ATP6V0A2: variants seen among roughly 807,000 people sequenced by gnomAD.
The protein encoded by ATP6V0A2 is V-type proton ATPase 116 kDa subunit a 2.
A neutral mutation model predicts 104.4 loss-of-function variants in ATP6V0A2; 58 were observed. That is an observed-to-expected ratio of 0.56 (90% CI 0.45 to 0.69). ATP6V0A2 has a LOEUF of 0.69. Among genes scored for constraint, ATP6V0A2 ranks in the 30% least tolerant of loss-of-function variants. ATP6V0A2 has a pLI of 0.00. For missense variants in ATP6V0A2, 938 were observed against 1,062.9 expected (o/e 0.88, Z 1.63); for synonymous variants, 376 against 397.9 (o/e 0.95, Z 0.65).
intron 9 of ATP6V0A2, among the ~76,000 whole-genome samples, chr12:123,739,608 A>G (rs944313599): frequency 6.6e-6 from 1 of 152,212 alleles, no homozygotes; most frequent in Non-Finnish European, 1.5e-5. Context: ...TCTTGGGTTC[A>G]CTTGGCTGCC....
chr12:123,716,913 C>A (rs1025909343), intron 1 of ATP6V0A2, among the ~76,000 whole-genome samples: 1 of 152,192 alleles, frequency 6.6e-6, no homozygotes, highest in Admixed American at 6.5e-5. Flanking sequence ...CCCCCACCCC[C>A]CCAGCACCCA....
Position 123,737,353 on chromosome 12 carries a change from G to C in ATP6V0A2, c.1038+82G>C, listed in dbSNP as rs1226524737. ...AAATTCAGAGAAAAAAAGGAAGTGA[G>C]AATTTCATAGAGTAATGAGAATGCA... is the stretch of plus-strand genomic sequence containing the variant. On this transcript the variant is annotated intron_variant, in intron 9 of 19. Transcript: ENST00000330342. 5.3e-6 allele frequency: 7 copies of C among 1,322,376 alleles called. No individual in the cohort carries two copies. In the South Asian group the frequency reaches 8.6e-5, roughly 16 times the overall value. The allele number at this position is 1,322,376 out of a possible 1,614,324, so 81.9% of individuals were successfully genotyped here.
At chr12:123,734,431 G>C (rs1343910622) in intron 7 of ATP6V0A2, among the ~76,000 whole-genome samples, 1 of 152,160 alleles carries the variant, frequency 6.6e-6, no homozygotes, top group East Asian at 1.9e-4. Flanking sequence ...GGGCCTGTCT[G>C]GATGCAGAGC....
At position 123,744,761 on chromosome 12, in the gene ATP6V0A2, G is replaced by A. The variant is rs776083270; in HGVS notation, c.1491G>A (p.Glu497=). Residue 497 remains glutamate, a synonymous_variant, in exon 12 of 20, where the codon GAG becomes GAA. Transcript: ENST00000330342. The surrounding 1 kb of genome is among the most constrained non-coding windows in gnomAD (Gnocchi z 5.4). ...ACAGCTCCAGCCACCCACCCGCAGA[G>A]CATAAGAAGATGGTGCTTTGGAAGT... The part of the protein sequence containing the change: ...AMYSSSHPPA[E]HKKMVLWNDS... 6.8e-6 allele frequency: 11 copies of A among 1,614,048 alleles called. No homozygotes were observed. Among genetic ancestry groups the A allele is most frequent in the Non-Finnish European group, 9.3e-6 (11 of 1,180,032 alleles).
rs1252343310 is a variant in ATP6V0A2, at chr12:123,760,859, A to G, written c.*2827A>G. The G allele has an allele frequency of 6.6e-6, 1 of 152,216 alleles. No individual in the cohort carries two copies. The highest frequency in any genetic ancestry group is 2.4e-5 in the African/African-American group (1 of 41,444). The allele number at this position is 152,216 out of a possible 1,614,324, so 9.4% of individuals were successfully genotyped here. ...GCTCTGTTTCTGGAATGGATATTTTATAACAACATTCTGGTGTCAGCATCC... is the reference window on the plus strand; with the variant it reads ...GCTCTGTTTCTGGAATGGATATTTTGTAACAACATTCTGGTGTCAGCATCC... On this transcript the variant is annotated 3_prime_UTR_variant, in exon 20 of 20. Transcript: ENST00000330342.
chr12:123,727,685 T>C, intron 5 of ATP6V0A2, 98 bp from the exon 6 acceptor site: 1 of 1,497,802 alleles, frequency 6.7e-7, no homozygotes, highest in Non-Finnish European at 9.2e-7. Flanking sequence ...CAGGATGTCT[T>C]CACCACTTGG....
chr12:123,724,570 G>T, intron 3 of ATP6V0A2, 84 bp from the exon 4 acceptor site: 4 of 1,412,956 alleles, frequency 2.8e-6, no homozygotes, highest in Non-Finnish European at 2.0e-6. Context: ...AAAACCCACT[G>T]TTTTTGGTAT....
At chr12:123,752,737 G>C (rs1448409066) in intron 17 of ATP6V0A2, among the ~76,000 whole-genome samples, 1 of 152,228 alleles carries the variant, frequency 6.6e-6, no homozygotes, top group Non-Finnish European at 1.5e-5. Flanking sequence ...GCAAGAAATA[G>C]AGACCCAGTT....
At chr12:123,724,833 C>G (rs374768446) in intron 4 of ATP6V0A2, 42 bp downstream of exon 4, 1 of 1,584,880 alleles carries the variant, frequency 6.3e-7, no homozygotes, top group Non-Finnish European at 8.7e-7. Flanking sequence ...TTTTTATAAA[C>G]AGCTTTTTAT....
intron 6 of ATP6V0A2, among the ~76,000 whole-genome samples, chr12:123,730,441 G>A (rs1956491736): frequency 1.3e-5 from 2 of 152,078 alleles, no homozygotes; most frequent in African/African-American, 4.8e-5. Context: ...GAGCCACCGC[G>A]CCCAGCCTGT....
At chr12:123,745,654 C>T (rs573845533) in intron 13 of ATP6V0A2, among the ~76,000 whole-genome samples, 3 of 151,056 alleles carry the variant, frequency 2.0e-5, no homozygotes, top group Non-Finnish European at 2.9e-5. Context: ...TGCAGTGAGC[C>T]GAGATGGTGC....
At chr12:123,742,603 G>A (rs768140331) in intron 9 of ATP6V0A2, among the ~76,000 whole-genome samples, 3 of 152,132 alleles carry the variant, frequency 2.0e-5, no homozygotes, top group Non-Finnish European at 2.9e-5. Flanking sequence ...TTGGGAGGCC[G>A]AGGTGGGCAG....
At chr12:123,746,897 C>G (rs1475466648) in intron 13 of ATP6V0A2, among the ~76,000 whole-genome samples, 1 of 151,678 alleles carries the variant, frequency 6.6e-6, no homozygotes, top group Non-Finnish European at 1.5e-5. Flanking sequence ...TGCGCCACTG[C>G]ACTCCAGCCT....
At chr12:123,714,917 T>C (rs2135874013) in intron 1 of ATP6V0A2, among the ~76,000 whole-genome samples, 1 of 152,226 alleles carries the variant, frequency 6.6e-6, no homozygotes, top group Non-Finnish European at 1.5e-5. Flanking sequence ...CTGTCTCTAC[T>C]AAAAATACAA....
intron 2 of ATP6V0A2, among the ~76,000 whole-genome samples, chr12:123,720,055 T>C (rs1956384249): frequency 6.6e-6 from 1 of 152,164 alleles, no homozygotes; most frequent in African/African-American, 2.4e-5. Context: ...CTATTCTTCC[T>C]TTCTCTCGGC....
At chr12:123,735,009 G>T (rs1048580327) in intron 7 of ATP6V0A2, among the ~76,000 whole-genome samples, 1 of 152,122 alleles carries the variant, frequency 6.6e-6, no homozygotes, top group Non-Finnish European at 1.5e-5. Flanking sequence ...AAGGTGGTCC[G>T]GGAATGGCTG....
chr12:123,718,542 A>G (rs1308932419), intron 1 of ATP6V0A2, 81 bp from the exon 2 acceptor site: 13 of 1,056,028 alleles, frequency 1.2e-5, no homozygotes, highest in Non-Finnish European at 1.8e-5. Flanking sequence ...CATCCCCCAA[A>G]CTTTGGTGAT....
rs1326211451 is a variant in ATP6V0A2 at position 123,712,378 on chromosome 12, C to T, written c.-188C>T. On this transcript the variant is annotated 5_prime_UTR_variant, in exon 1 of 20. Coordinates refer to ENST00000330342, the MANE Select transcript of ATP6V0A2 (RefSeq NM_012463.4). ...GGGACCTCGCGGACTGCTGTGGCGGCAGCTGGAGCGGCGGCCGCGGTGGCA... is the reference window on the plus strand; with the variant it reads ...GGGACCTCGCGGACTGCTGTGGCGGTAGCTGGAGCGGCGGCCGCGGTGGCA... 8.4e-6 allele frequency: 3 copies of T among 356,856 alleles called. No individual in the cohort carries two copies. The highest frequency in any genetic ancestry group is 1.5e-5 in the Non-Finnish European group (3 of 201,898). 22.1% of individuals were successfully genotyped at this position (356,856 alleles called of 1,614,324 possible).
At chr12:123,717,578 G>C (rs955852082) in intron 1 of ATP6V0A2, among the ~76,000 whole-genome samples, 7 of 151,464 alleles carry the variant, frequency 4.6e-5, no homozygotes, top group African/African-American at 1.7e-4. Context: ...CTGAGCAACT[G>C]GGACCACAGG....
Sources: allele counts gnomAD v4.1 joint callset (sites outside exome capture counted in the v4.1 genomes callset), GRCh38; gene constraint gnomAD v4.1.1; non-coding constraint Gnocchi (gnomAD v3.1); transcripts MANE v1.5; gene names NCBI Gene and HGNC (gene_info 2026-07-23, HGNC 2026-07-21).